JRK: variants seen among roughly 807,000 people sequenced by gnomAD.
The protein encoded by JRK is jerky protein homolog.
For missense variants in JRK, 720 were observed against 509.2 expected (o/e 1.41, Z -3.98); for synonymous variants, 303 against 218.1 (o/e 1.39, Z -3.43).
At position 142,660,602 on chromosome 8, in the gene JRK, A is replaced by T; in HGVS notation, c.*3750T>A. The T allele has an allele frequency of 1.3e-6, 1 of 778,706 alleles. No individual in the cohort carries two copies. The highest frequency in any genetic ancestry group is 1.6e-6 in the Non-Finnish European group (1 of 643,324). 48.2% of individuals were successfully genotyped at this position (778,706 alleles called of 1,614,324 possible). A position where few individuals can be genotyped will look rare whatever the true frequency, so the allele number is the denominator to read the frequency against. ...CTTTCTGTAGAGATGGGGTCTCCCT[A>T]TGTTGCCCAGGCTGGTTTCAAACTC... On this transcript the variant is annotated 3_prime_UTR_variant, in exon 2 of 2. Transcript: ENST00000612905.
rs1159959235 is a variant in JRK, at chr8:142,660,790, C to T, written c.*3562G>A. ...TTGATTTGTCCCAAGTTGTCGCTGC[C>T]CTGTGCCACAGCCTCCCAAGAATGG... On this transcript the variant is annotated 3_prime_UTR_variant, in exon 2 of 2. Transcript: ENST00000612905. 38 of 985,362 alleles carry T rather than the reference C, an allele frequency of 3.9e-5. No individual in the cohort carries two copies. Among genetic ancestry groups the T allele is most frequent in the Non-Finnish European group, 4.5e-5 (37 of 830,034 alleles). 61.0% of individuals were successfully genotyped at this position (985,362 alleles called of 1,614,324 possible). A position where few individuals can be genotyped will look rare whatever the true frequency, so the allele number is the denominator to read the frequency against.
chr8:142,665,564 G>A lies in JRK; in HGVS notation c.495C>T (p.Phe165=), dbSNP rs1554635766. Residue 165 remains phenylalanine, a synonymous_variant, in exon 2 of 2, where the codon TTC becomes TTT. Coordinates refer to ENST00000612905, the MANE Select transcript of JRK (RefSeq NM_003724.4). Reference sequence around the variant, plus strand: ...CAGCCAAGCTCCTGAAAAACGCACAGAACTGCTCCGCGGCCTGGTGGTCGG... The same window carrying A: ...CAGCCAAGCTCCTGAAAAACGCACAAAACTGCTCCGCGGCCTGGTGGTCGG... ...QSADHQAAEQ[F]CAFFRSLAAE... is the part of the protein sequence containing the mutation. 2.8e-6 allele frequency: 2 copies of A among 718,562 alleles called. No individual in the cohort carries two copies. The allele number at this position is 718,562 out of a possible 1,614,324, so 44.5% of individuals were successfully genotyped here.
rs782564298 is a variant in JRK, at chr8:142,664,686, G to A, written c.1373C>T (p.Pro458Leu). Residue 458 changes from proline (P) to leucine (L), a missense_variant, in exon 2 of 2, where the codon CCA becomes CTA. Pro to Leu is a moderately conservative substitution (Grantham distance 98). Transcript: ENST00000612905. ...EGGRPPAATS[P>L]AEVVWSSEKT... ...TTCTGAACTCCACACAACCTCTGCT[G>A]GCGACGTGGCAGCAGGGGGCCGTCC... 4 of 1,610,534 alleles carry A rather than the reference G, an allele frequency of 2.5e-6. No homozygotes were observed. The South Asian group carries it at 4.4e-5, about 18-fold the overall frequency.
the JRK span, among the ~76,000 whole-genome samples, chr8:142,644,630 C>A: frequency 6.6e-6 from 1 of 152,064 alleles, no homozygotes; most frequent in Admixed American, 6.6e-5. Flanking sequence ...AGGTTTAAAA[C>A]ACTTGATATC....
Position 142,664,188 on chromosome 8 carries a change from C to T in JRK, c.*164G>A, listed in dbSNP as rs975531014. 112 of 1,382,834 alleles carry T rather than the reference C, an allele frequency of 8.1e-5. No individual in the cohort carries two copies. Among genetic ancestry groups the T allele is most frequent in the Non-Finnish European group, 9.9e-5 (106 of 1,067,574 alleles). The allele number at this position is 1,382,834 out of a possible 1,614,324, so 85.7% of individuals were successfully genotyped here. A position where few individuals can be genotyped will look rare whatever the true frequency, so the allele number is the denominator to read the frequency against. ...ATTGACAGGAACCTCGGGCACAGAC[C>T]GTCCTGGGCACCCGAGCCACACCCG... On this transcript the variant is annotated 3_prime_UTR_variant, in exon 2 of 2. Coordinates refer to ENST00000612905, the MANE Select transcript of JRK (RefSeq NM_003724.4).
At position 142,662,335 on chromosome 8, in the gene JRK, G is replaced by A. The variant is rs587606212; in HGVS notation, c.*2017C>T. ...GCCCTCCCCAGCTCCACCCACCCAG[G>A]ATGTCCTACTGTTTCAGAGCCCTCG... On this transcript the variant is annotated 3_prime_UTR_variant, in exon 2 of 2. Transcript: ENST00000612905. 3.0e-6 allele frequency: 3 copies of A among 985,638 alleles called. No homozygotes were observed. Among genetic ancestry groups the A allele is most frequent in the African/African-American group, 3.5e-5 (2 of 57,352 alleles). The allele number at this position is 985,638 out of a possible 1,614,324, so 61.1% of individuals were successfully genotyped here.
At chr8:142,667,583 A>G (rs1847172158) in intron 1 of JRK, among the ~76,000 whole-genome samples, 1 of 152,160 alleles carries the variant, frequency 6.6e-6, no homozygotes, top group East Asian at 1.9e-4. Context: ...TGAACAAATG[A>G]CTAATTTACG....
At position 142,664,907 on chromosome 8, in the gene JRK, C is replaced by G; in HGVS notation, c.1152G>C (p.Lys384Asn). Residue 384 changes from lysine to asparagine, a missense_variant, in exon 2 of 2, where the codon AAG becomes AAC. Lys to Asn is a moderately conservative substitution (Grantham distance 94). Coordinates refer to ENST00000612905, the MANE Select transcript of JRK (RefSeq NM_003724.4). Reference sequence around the variant, plus strand: ...CGGCAAACGCAACCGACGGCCACAGCTTCCTCCAGGCCCGCCTGAAGACGT... The same window carrying G: ...CGGCAAACGCAACCGACGGCCACAGGTTCCTCCAGGCCCGCCTGAAGACGT... ...PSHVFRRAWR[K>N]LWPSVAFAEG... The G allele has an allele frequency of 9.4e-7, 1 of 1,067,760 alleles. No individual in the cohort carries two copies. The highest frequency in any genetic ancestry group is 2.4e-5 in the East Asian group (1 of 41,928). 66.1% of individuals were successfully genotyped at this position (1,067,760 alleles called of 1,614,324 possible).
At chr8:142,668,300 A>G (rs6995314) in intron 1 of JRK, among the ~76,000 whole-genome samples, 83,619 of 152,144 alleles carry the variant, frequency 0.55, 24,285 homozygotes, top group Admixed American at 0.66. Context: ...AGCTCCAAAG[A>G]AAAATTATAG....
At position 142,662,391 on chromosome 8, in the gene JRK, A is replaced by C. The variant is rs1020339551; in HGVS notation, c.*1961T>G. On this transcript the variant is annotated 3_prime_UTR_variant, in exon 2 of 2. Transcript: ENST00000612905. ...TGTTCTAACCTCCTGTGTTGCCTCA[A>C]GCAGCTGCAATCCAGCAGTCTTGGT... The C allele has an allele frequency of 4.1e-6, 4 of 985,470 alleles. No homozygotes were observed. The highest frequency in any genetic ancestry group is 4.8e-6 in the Non-Finnish European group (4 of 829,970). 61.0% of individuals were successfully genotyped at this position (985,470 alleles called of 1,614,324 possible).
the JRK span, among the ~76,000 whole-genome samples, chr8:142,647,498 T>C: frequency 1.3e-3 from 194 of 152,266 alleles, 1 homozygote; most frequent in Middle Eastern, 3.4e-3. Flanking sequence ...GTTCTTGTGA[T>C]AGTAACTCTC....
At position 142,663,366 on chromosome 8, in the gene JRK, A is replaced by G; in HGVS notation, c.*986T>C. The G allele has an allele frequency of 1.0e-6, 1 of 985,426 alleles. No homozygotes were observed. The highest frequency in any genetic ancestry group is 1.2e-6 in the Non-Finnish European group (1 of 829,926). 61.0% of individuals were successfully genotyped at this position (985,426 alleles called of 1,614,324 possible). A position where few individuals can be genotyped will look rare whatever the true frequency, so the allele number is the denominator to read the frequency against. ...GACCAGGACAGACAACTCCTCCCCA[A>G]AAGTATTACTAACGTGCTAACAGCT... On this transcript the variant is annotated 3_prime_UTR_variant, in exon 2 of 2. Transcript: ENST00000612905.
downstream of JRK, among the ~76,000 whole-genome samples, chr8:142,655,738 T>C (rs7459963): frequency 0.6 from 90,715 of 152,084 alleles, 28,355 homozygotes; most frequent in Admixed American, 0.69. Context: ...ACAGCACAGG[T>C]CCCACTAAGC....
chr8:142,645,514 C>T, the JRK span, among the ~76,000 whole-genome samples: 2 of 151,868 alleles, frequency 1.3e-5, no homozygotes, highest in Non-Finnish European at 2.9e-5. Context: ...CCCGTCTCTA[C>T]TAAAAATACA....
chr8:142,645,836 T>C, the JRK span, among the ~76,000 whole-genome samples: 47 of 152,352 alleles, frequency 3.1e-4, no homozygotes, highest in African/African-American at 1.1e-3. Context: ...TTCTGTCTCA[T>C]ATAAAATTAC....
At chr8:142,654,319 C>T (rs1554633434), downstream of JRK, among the ~76,000 whole-genome samples, 1 of 152,126 alleles carries the variant, frequency 6.6e-6, no homozygotes, top group African/African-American at 2.4e-5. Flanking sequence ...TCTGGGCTTA[C>T]AAAGACCAGG....
At position 142,664,634 on chromosome 8, in the gene JRK, G is replaced by C. The variant is rs201142495; in HGVS notation, c.1425C>G (p.Gly475=). ...SEKTPKADQD[G]RGDPGEGEEV... Reference sequence around the variant, plus strand: ...CCTCGCCCTCACCAGGATCTCCTCTGCCGTCCTGGTCAGCTTTCGGAGTCT... The same window carrying C: ...CCTCGCCCTCACCAGGATCTCCTCTCCCGTCCTGGTCAGCTTTCGGAGTCT... The change falls in exon 2 of 2, where the codon GGC becomes GGG. Residue 475 remains glycine, a synonymous_variant. Transcript: ENST00000612905. 300 of 1,611,100 alleles carry C rather than the reference G, an allele frequency of 1.9e-4. No homozygotes were observed. The East Asian group carries it at 6.4e-3, about 34-fold the overall frequency.
chr8:142,661,086 A>T lies in JRK; in HGVS notation c.*3266T>A. On this transcript the variant is annotated 3_prime_UTR_variant, in exon 2 of 2. Coordinates refer to ENST00000612905, the MANE Select transcript of JRK (RefSeq NM_003724.4). ...GGGCAGTCCAGGTGCTCTCCATCGC[A>T]TGCTCAGCCATGGCTGAGCACGAAT... 1 of 985,402 alleles carries T rather than the reference A, an allele frequency of 1.0e-6. No individual in the cohort carries two copies. The highest frequency in any genetic ancestry group is 1.7e-5 in the African/African-American group (1 of 57,350). The allele number at this position is 985,402 out of a possible 1,614,324, so 61.0% of individuals were successfully genotyped here. A position where few individuals can be genotyped will look rare whatever the true frequency, so the allele number is the denominator to read the frequency against.
At chr8:142,652,892 A>C (rs186850593), downstream of JRK, among the ~76,000 whole-genome samples, 104 of 152,310 alleles carry the variant, frequency 6.8e-4, no homozygotes, top group Non-Finnish European at 1.3e-3. Flanking sequence ...GGTTCCAAAA[A>C]TTGATGATGT....
Sources: allele counts gnomAD v4.1 joint callset (sites outside exome capture counted in the v4.1 genomes callset), GRCh38; gene constraint gnomAD v4.1.1; transcripts MANE v1.5; gene names NCBI Gene and HGNC (gene_info 2026-07-23, HGNC 2026-07-21).